The following SCAPER variants were observed in gnomAD, a reference collection of about 807,000 sequenced individuals.
SCAPER encodes S phase cyclin A-associated protein in the endoplasmic reticulum.
A neutral mutation model predicts 182.2 loss-of-function variants in SCAPER; 98 were observed. That is an observed-to-expected ratio of 0.54 (90% CI 0.46 to 0.64). SCAPER has a LOEUF of 0.64. SCAPER is among the 30% of genes least tolerant of loss of function. The pLI is 0.00. For synonymous variants in SCAPER, 605 were observed against 564.6 expected (o/e 1.07, Z -1.01); for missense variants, 1,432 against 1,690.0 (o/e 0.85, Z 2.68).
chr15:76,862,591 A>C, intron 2 of SCAPER, 58 bp from the exon 3 acceptor site: 1 of 1,082,310 alleles, frequency 9.2e-7, no homozygotes, highest in Non-Finnish European at 1.3e-6. Flanking sequence ...ATATATATTT[A>C]ACAAAGTCAT....
chr15:76,865,181 T>C (rs2072176561), intron 2 of SCAPER, among the ~76,000 whole-genome samples: 1 of 152,144 alleles, frequency 6.6e-6, no homozygotes, highest in South Asian at 2.1e-4. Flanking sequence ...CCAGAAGCTC[T>C]GCAAACCCCA....
intron 25 of SCAPER, among the ~76,000 whole-genome samples, chr15:76,442,271 C>T (rs1269233471): frequency 6.6e-6 from 1 of 152,142 alleles, no homozygotes; most frequent in Non-Finnish European, 1.5e-5. Flanking sequence ...CACTGTAATT[C>T]CCAAACACCT....
chr15:76,657,210 G>A (rs1231369029), intron 21 of SCAPER, among the ~76,000 whole-genome samples: 1 of 152,022 alleles, frequency 6.6e-6, no homozygotes, highest in African/African-American at 2.4e-5. Context: ...AAATGCCTAA[G>A]GGAACATTAA....
intron 4 of SCAPER, 130 bp downstream of exon 4, chr15:76,857,679 T>C: frequency 1.6e-6 from 1 of 638,500 alleles, no homozygotes; most frequent in Non-Finnish European, 2.6e-6. Context: ...CATTTGTTTT[T>C]AAAAAGTACA....
intron 20 of SCAPER, among the ~76,000 whole-genome samples, chr15:76,689,649 C>G (rs1036190967): frequency 6.6e-6 from 1 of 151,694 alleles, no homozygotes; most frequent in Non-Finnish European, 1.5e-5. Flanking sequence ...AATGAGCACT[C>G]CTTATATCTA....
At chr15:76,657,865 T>C (rs1275130198) in intron 21 of SCAPER, among the ~76,000 whole-genome samples, 1 of 152,154 alleles carries the variant, frequency 6.6e-6, no homozygotes, top group Non-Finnish European at 1.5e-5. Flanking sequence ...AAATTCAACA[T>C]CGCTTCATGT....
At chr15:76,648,023 T>C (rs1358489900) in intron 21 of SCAPER, among the ~76,000 whole-genome samples, 1 of 152,178 alleles carries the variant, frequency 6.6e-6, no homozygotes, top group Non-Finnish European at 1.5e-5. Flanking sequence ...TAGAGCAATG[T>C]AGCATTTATA....
intron 1 of SCAPER, among the ~76,000 whole-genome samples, chr15:76,893,320 TATA>T (rs1010077560): frequency 1.9e-4 from 29 of 151,950 alleles, no homozygotes; most frequent in African/African-American, 6.0e-4. Context: ...GAACTTAAAG[TATA>T]ATAATAAAAA....
chr15:76,752,880 TTA>T (rs1568016587), intron 15 of SCAPER, among the ~76,000 whole-genome samples: 1 of 149,004 alleles, frequency 6.7e-6, no homozygotes. Flanking sequence ...AAATTTTACA[TTA>T]TGTTTTTCCC....
intron 27 of SCAPER, among the ~76,000 whole-genome samples, chr15:76,400,359 A>C (rs2044374189): frequency 6.6e-6 from 1 of 152,156 alleles, no homozygotes. Context: ...ATAAAGCAAA[A>C]ACCACACTAC....
intron 4 of SCAPER, among the ~76,000 whole-genome samples, chr15:76,850,118 A>G (rs2070578483): frequency 6.6e-6 from 1 of 152,232 alleles, no homozygotes; most frequent in Non-Finnish European, 1.5e-5. Context: ...GAGCCAAACC[A>G]TATCGCTAAC....
intron 15 of SCAPER, among the ~76,000 whole-genome samples, chr15:76,742,335 G>A (rs578206093): frequency 6.6e-6 from 1 of 151,158 alleles, no homozygotes; most frequent in South Asian, 2.1e-4. Flanking sequence ...TACAAAAGTA[G>A]GTAATCTAGA....
chr15:76,797,726 T>C (rs2151487255), intron 7 of SCAPER: 1 of 152,272 alleles, frequency 6.6e-6, no homozygotes, highest in Non-Finnish European at 1.5e-5. Flanking sequence ...AAACATACTG[T>C]TGTATAGCTA....
chr15:76,600,716 C>T lies in SCAPER; in HGVS notation c.2711+21048G>A, dbSNP rs1037176271. On this transcript the variant is annotated intron_variant, in intron 22 of 31. Coordinates refer to ENST00000563290, the MANE Select transcript of SCAPER (RefSeq NM_020843.4). ...CTGCCCACCTCGGCCTCCCAAAGTG[C>T]TGGGATTACAGGCGTGAGCCACTGC... is the stretch of plus-strand genomic sequence containing the variant. 1.1e-4 allele frequency among the ~76,000 whole-genome samples: 13 copies of T among 120,014 alleles called. 4 individuals are homozygous for T. The highest frequency in any genetic ancestry group is 2.6e-4 in the Non-Finnish European group (13 of 49,702). 78.7% of individuals were successfully genotyped at this position (120,014 alleles called of 152,430 possible). A position where few individuals can be genotyped will look rare whatever the true frequency, so the allele number is the denominator to read the frequency against.
At chr15:76,884,171 T>C (rs192868995) in intron 1 of SCAPER, among the ~76,000 whole-genome samples, 7 of 152,316 alleles carry the variant, frequency 4.6e-5, no homozygotes, top group African/African-American at 1.7e-4. Context: ...AACACATACA[T>C]GTTTTATATC....
At chr15:76,414,789 T>G (rs556195610) in intron 26 of SCAPER, among the ~76,000 whole-genome samples, 1 of 152,178 alleles carries the variant, frequency 6.6e-6, no homozygotes, top group Admixed American at 6.5e-5. Context: ...ATAGTCACAG[T>G]TGGAGATTTT....
At chr15:76,521,157 C>G (rs1401638842) in intron 23 of SCAPER, among the ~76,000 whole-genome samples, 1 of 152,058 alleles carries the variant, frequency 6.6e-6, no homozygotes, top group African/African-American at 2.4e-5. Flanking sequence ...CATCTCATTT[C>G]TTTATGAAAA....
intron 4 of SCAPER, among the ~76,000 whole-genome samples, chr15:76,848,978 G>A (rs893978230): frequency 2.6e-5 from 4 of 152,122 alleles, no homozygotes; most frequent in South Asian, 4.1e-4. Context: ...AAAGGCATAC[G>A]ACAGCCCCTT....
intron 17 of SCAPER, among the ~76,000 whole-genome samples, chr15:76,712,017 C>T (rs1465305256): frequency 6.6e-6 from 1 of 152,098 alleles, no homozygotes; most frequent in Non-Finnish European, 1.5e-5. Flanking sequence ...TTGCCCATGC[C>T]TATGTCCTGA....
Sources: allele counts gnomAD v4.1 joint callset (sites outside exome capture counted in the v4.1 genomes callset), GRCh38; gene constraint gnomAD v4.1.1; transcripts MANE v1.5; gene names NCBI Gene and HGNC (gene_info 2026-07-23, HGNC 2026-07-21).